Variants in TGM2 observed in about 807,000 individuals in gnomAD.
The protein encoded by TGM2 is protein-glutamine gamma-glutamyltransferase 2.
Under a neutral mutation model 75.6 loss-of-function variants are expected in TGM2, and 53 were observed. That is an observed-to-expected ratio of 0.70 (90% CI 0.56 to 0.88). TGM2 has a LOEUF of 0.88. Ranked by LOEUF, TGM2 falls within the 40% of genes least tolerant of loss-of-function variation. TGM2 has a pLI of 0.00. For missense variants in TGM2, 842 were observed against 928.5 expected (o/e 0.91, Z 1.21); for synonymous variants, 374 against 381.1 (o/e 0.98, Z 0.22).
intron 7 of TGM2, 44 bp downstream of exon 7, chr20:38,142,020 G>C (rs2074980795): frequency 6.2e-7 from 1 of 1,612,152 alleles, no homozygotes; most frequent in Admixed American, 1.7e-5. Flanking sequence ...TCTCCATGGG[G>C]CCCTCCCTAC....
chr20:38,155,842 C>T lies in TGM2; in HGVS notation c.433+5G>A, dbSNP rs1229737494. 1 of 1,595,382 alleles carries T rather than the reference C, an allele frequency of 6.3e-7. No homozygotes were observed. Among genetic ancestry groups the T allele is most frequent in the Non-Finnish European group, 8.5e-7 (1 of 1,171,820 alleles). ...AACGCTGTGAGTGGATGGCGTGTGG[C>T]TCACCTGGGCACCAGGCGTTGAAGA... On this transcript the variant is annotated splice_donor_5th_base_variant and intron_variant, in intron 3 of 12. Transcript: ENST00000361475.
chr20:38,138,218 C>T lies in TGM2; in HGVS notation c.1510G>A (p.Val504Ile), dbSNP rs1157812213. ...HITNNTAEEY[V>I]CRLLLCARTV... ...CGGGCACAGAGCAGGAGGCGGCAGA[C>T]GTACTCCTCAGCGGTGTTGTTGGTG... Residue 504 changes from valine to isoleucine, a missense_variant, in exon 10 of 13, where the codon GTC (valine) becomes ATC (isoleucine). Transcript: ENST00000361475. 5.0e-6 allele frequency: 8 copies of T among 1,611,368 alleles called. No homozygotes were observed. The highest frequency in any genetic ancestry group is 4.5e-5 in the East Asian group (2 of 44,800).
In TGM2 at chr20:38,153,476, G is replaced by A. The variant is rs45548636; in HGVS notation, c.433+2371C>T. Reference sequence around the variant, plus strand: ...GGAGGCAGAGGTTGGAGTGAGGCGAGATTGCACCACTGCACTCCAGCCTGG... The same window carrying A: ...GGAGGCAGAGGTTGGAGTGAGGCGAAATTGCACCACTGCACTCCAGCCTGG... On this transcript the variant is annotated intron_variant, in intron 3 of 12. Transcript: ENST00000361475. Among the ~76,000 whole-genome samples, 1,253 of 147,142 alleles carry A rather than the reference G, an allele frequency of 8.5e-3. 10 individuals carry two copies. The highest frequency in any genetic ancestry group is 0.017 in the Middle Eastern group (5 of 292).
intron 6 of TGM2, 181 bp downstream of exon 6, chr20:38,146,536 C>T (rs76216867): frequency 1.3e-6 from 1 of 761,248 alleles, no homozygotes; most frequent in Non-Finnish European, 2.3e-6. Flanking sequence ...CTAACAACCA[C>T]TGGAGGGATG....
At chr20:38,137,408 G>A (rs146178961) in intron 10 of TGM2, among the ~76,000 whole-genome samples, 132 of 152,232 alleles carry the variant, frequency 8.7e-4, no homozygotes, top group Middle Eastern at 3.4e-3. Context: ...AGCTGAGATC[G>A]TGCCACTGCA....
chr20:38,165,895 A>G (rs45452598), upstream of TGM2, among the ~76,000 whole-genome samples: 3,314 of 152,188 alleles, frequency 0.022, 89 homozygotes, highest in Middle Eastern at 0.085. Context: ...GGACATAGAT[A>G]CAGCCTGACA....
chr20:38,166,276 C>G (rs866082771), upstream of TGM2: 1 of 152,442 alleles, frequency 6.6e-6, no homozygotes, highest in Non-Finnish European at 1.5e-5. Flanking sequence ...CCTACCCCCC[C>G]ACCTATCCAT....
At chr20:38,158,471 G>A (rs1436916584) in intron 2 of TGM2, among the ~76,000 whole-genome samples, 1 of 151,600 alleles carries the variant, frequency 6.6e-6, no homozygotes, top group Non-Finnish European at 1.5e-5. Context: ...GCCGGGCTGG[G>A]ATGGGGTGGG....
At chr20:38,157,722 A>AC (rs2075205133) in intron 2 of TGM2, among the ~76,000 whole-genome samples, 2 of 152,232 alleles carry the variant, frequency 1.3e-5, no homozygotes, top group African/African-American at 2.4e-5. Flanking sequence ...TGCTCAGGAA[A>AC]CAATAGTTAG....
intron 9 of TGM2, 32 bp downstream of exon 9, chr20:38,139,380 A>T: frequency 1.2e-6 from 2 of 1,613,866 alleles, no homozygotes; most frequent in Non-Finnish European, 1.7e-6. Context: ...GCTTATCTTC[A>T]AGGCTGCATT....
chr20:38,139,556 C>G lies in TGM2; in HGVS notation c.1198G>C (p.Asp400His), dbSNP rs370820498. ...APFVFAEVNADVVDWIQQDDG... is the reference protein window; with the variant it reads ...APFVFAEVNAHVVDWIQQDDG... ...TCCTGCTGGATCCAGTCTACCACGT[C>G]GGCATTGACCTCCGCAAAGACAAAG... The change falls in exon 9 of 13, where the codon GAC (aspartate) becomes CAC (histidine). Residue 400 changes from aspartate (D) to histidine (H), a missense_variant. Coordinates refer to ENST00000361475, the MANE Select transcript of TGM2 (RefSeq NM_004613.4). 8 of 1,614,058 alleles carry G rather than the reference C, an allele frequency of 5.0e-6. No individual in the cohort carries two copies. The African/African-American group carries it at 1.1e-4, about 22-fold the overall frequency.
At position 38,130,367 on chromosome 20, in the gene TGM2, G is replaced by A; in HGVS notation, c.1916C>T (p.Pro639Leu). 1.3e-6 allele frequency: 2 copies of A among 1,587,836 alleles called. No homozygotes were observed. Among genetic ancestry groups the A allele is most frequent in the South Asian group, 1.2e-5 (1 of 86,908 alleles). ...LTEEQKTVEIPDPVEAGEEVK... is the reference protein window; with the variant it reads ...LTEEQKTVEILDPVEAGEEVK... ...TTCCTCCCCTGCCTCCACGGGGTCT[G>A]GGCTGCAGGGAGAGAGGGGGTGGTG... is the stretch of plus-strand genomic sequence containing the variant. The change falls in exon 13 of 13, where the codon CCA (proline) becomes CTA (leucine). Residue 639 changes from proline to leucine, a missense_variant and splice_region_variant. Coordinates refer to ENST00000361475, the MANE Select transcript of TGM2 (RefSeq NM_004613.4).
At chr20:38,139,790 C>T in intron 8 of TGM2, 136 bp from the exon 9 acceptor site, 2 of 1,170,940 alleles carry the variant, frequency 1.7e-6, no homozygotes, top group Non-Finnish European at 1.2e-6. Context: ...ACTCCACTTC[C>T]AGGAGGGCAC....
At chr20:38,143,794 T>C (rs530105261) in intron 6 of TGM2, among the ~76,000 whole-genome samples, 1 of 152,348 alleles carries the variant, frequency 6.6e-6, no homozygotes, top group African/African-American at 2.4e-5. Flanking sequence ...GTTTTACTTT[T>C]AGTTTTGATT....
In TGM2 at chr20:38,161,757, G is replaced by A. The variant is rs151065214; in HGVS notation, c.11-158C>T. Among the ~76,000 whole-genome samples the A allele has an allele frequency of 5.2e-3, 785 of 152,276 alleles. 10 individuals carry two copies. Among genetic ancestry groups the A allele is most frequent in the African/African-American group, 0.018 (739 of 41,546 alleles). On this transcript the variant is annotated intron_variant, in intron 1 of 12. Coordinates refer to ENST00000361475, the MANE Select transcript of TGM2 (RefSeq NM_004613.4). ...CCTGTCTCCCCAGCCCTGGTCACACGGGGGCTAGGTGGGGCCCAATCTCCC... is the reference window on the plus strand; with the variant it reads ...CCTGTCTCCCCAGCCCTGGTCACACAGGGGCTAGGTGGGGCCCAATCTCCC...
chr20:38,130,142 G>T lies in TGM2; in HGVS notation c.*77C>A, dbSNP rs2074807808. 1 of 1,588,632 alleles carries T rather than the reference G, an allele frequency of 6.3e-7. No homozygotes were observed. On this transcript the variant is annotated 3_prime_UTR_variant, in exon 13 of 13. Coordinates refer to ENST00000361475, the MANE Select transcript of TGM2 (RefSeq NM_004613.4). ...CCTGGGGTCTGGGGCCCAAGAAGGG[G>T]CATATTTTGCTCACTAGCTTGGGAT... is the stretch of plus-strand genomic sequence containing the variant.
intron 11 of TGM2, 133 bp downstream of exon 11, chr20:38,132,207 A>G: frequency 3.0e-6 from 3 of 994,274 alleles, no homozygotes; most frequent in Non-Finnish European, 4.6e-6. Flanking sequence ...TGAGGCTAGG[A>G]TTTGAGGATC....
upstream of TGM2, among the ~76,000 whole-genome samples, chr20:38,166,914 G>C (rs552710093): frequency 6.6e-6 from 1 of 152,170 alleles, no homozygotes; most frequent in African/African-American, 2.4e-5. Context: ...TCACCCGACC[G>C]AGAGGGAAGT....
At chr20:38,131,450 C>T (rs2074833005) in intron 11 of TGM2, among the ~76,000 whole-genome samples, 1 of 151,606 alleles carries the variant, frequency 6.6e-6, no homozygotes, top group African/African-American at 2.4e-5. Flanking sequence ...TGAGGCTCCA[C>T]GTGACCCAGG....
Sources: gnomAD v4.1 joint callset for allele counts (sites outside exome capture counted in the v4.1 genomes callset) on GRCh38, gnomAD v4.1.1 for gene constraint, MANE v1.5 for transcripts, NCBI Gene and HGNC (gene_info 2026-07-23, HGNC 2026-07-21) for gene names.